The following NLRC5 variants were observed in gnomAD, a reference collection of about 807,000 sequenced individuals.
The protein encoded by NLRC5 is protein NLRC5.
A neutral mutation model predicts 206.9 loss-of-function variants in NLRC5; 114 were observed. The ratio of observed to expected loss-of-function variants is 0.55; its 90% CI spans 0.47 to 0.64. The LOEUF (loss-of-function observed/expected upper bound fraction) is 0.64, where lower values mean the gene tolerates loss of function less well. Ranked by LOEUF, NLRC5 falls within the 30% of genes least tolerant of loss-of-function variation. The probability of loss-of-function intolerance (pLI) is 0.00; values close to 1 mark genes in which losing one functional copy is unlikely to be tolerated. For missense variants in NLRC5, 2,008 were observed against 2,305.5 expected (o/e 0.87, Z 2.64); for synonymous variants, 952 against 962.8 (o/e 0.99, Z 0.21).
In NLRC5 at chr16:57,041,288, T is replaced by C. The variant is rs2063252305; in HGVS notation, c.2940-197T>C. On this transcript the variant is annotated intron_variant, in intron 17 of 48. Coordinates refer to ENST00000688547, the MANE Select transcript of NLRC5 (RefSeq NM_001384950.1). ...CTTCCATCTGTGTCTCTGCCCACCC[T>C]CTGCCTATATGTGACATCCTGTGGG... The C allele has an allele frequency of 5.4e-6, 3 of 556,912 alleles. No homozygotes were observed. The South Asian group carries it at 6.6e-5, about 12-fold the overall frequency. The allele number at this position is 556,912 out of a possible 1,614,324, so 34.5% of individuals were successfully genotyped here. A position where few individuals can be genotyped will look rare whatever the true frequency, so the allele number is the denominator to read the frequency against.
At chr16:57,077,841 C>A (rs554473633) in intron 42 of NLRC5, 39 bp downstream of exon 42, 1 of 1,588,684 alleles carries the variant, frequency 6.3e-7, no homozygotes, top group Admixed American at 1.7e-5. Context: ...CTCTGTGCCC[C>A]CCAGGTCCAC....
intron 1 of NLRC5, among the ~76,000 whole-genome samples, chr16:57,002,962 G>A (rs1359577964): frequency 1.3e-5 from 2 of 151,894 alleles, no homozygotes; most frequent in African/African-American, 2.4e-5. Flanking sequence ...GTTTTTTGAG[G>A]TACCTCCGAA....
chr16:56,990,079 A>G (rs537332003), intron 1 of NLRC5, among the ~76,000 whole-genome samples: 1 of 152,234 alleles, frequency 6.6e-6, no homozygotes, highest in South Asian at 2.1e-4. Flanking sequence ...AATTCCAAAC[A>G]TATACAATAG....
At position 57,070,588 on chromosome 16, in the gene NLRC5, T is replaced by C; in HGVS notation, c.4637T>C (p.Leu1546Pro). 6.2e-7 allele frequency: 1 copy of C among 1,614,134 alleles called. No homozygotes were observed. The highest frequency in any genetic ancestry group is 8.5e-7 in the Non-Finnish European group (1 of 1,180,014). ...EEGTKALMRA[L>P]EGKWMLKRLD... is the part of the protein sequence containing the mutation. ...GGCACCAAGGCGCTGATGAGGGCCC[T>C]TGAGGGGAAATGGATGCTAAAGAGG... Residue 1546 changes from leucine (L) to proline (P), a missense_variant, in exon 38 of 49, where the codon CTT becomes CCT. By Grantham distance (98) the Leu-to-Pro change is moderately conservative. Transcript: ENST00000688547.
rs141406734 is a variant in NLRC5 at position 57,000,570 on chromosome 16, C to T, written c.-128+10953C>T. 2.0e-3 allele frequency among the ~76,000 whole-genome samples: 308 copies of T among 152,182 alleles called. 3 individuals carry two copies. Among genetic ancestry groups the T allele is most frequent in the African/African-American group, 7.2e-3 (298 of 41,526 alleles). The stretch of plus-strand genomic sequence containing the variant: ...GACACCTCTTCAACTCCTGGCTCCT[C>T]GACTCTAGCTGGTGACCTAGGCAGG... On this transcript the variant is annotated intron_variant, in intron 1 of 48. Coordinates refer to ENST00000688547, the MANE Select transcript of NLRC5 (RefSeq NM_001384950.1).
At chr16:56,989,654 G>C (rs1407023965) in intron 1 of NLRC5, 37 bp downstream of exon 1, 1 of 152,892 alleles carries the variant, frequency 6.5e-6, no homozygotes, top group Non-Finnish European at 1.5e-5. Flanking sequence ...GCGGGACCCG[G>C]GCTGGGGCGA....
At chr16:57,003,870 G>A (rs1461544752) in intron 1 of NLRC5, 1 of 152,164 alleles carries the variant, frequency 6.6e-6, no homozygotes, top group Non-Finnish European at 1.5e-5. Context: ...AGGACGCTGA[G>A]GTACGAAGAG....
intron 39 of NLRC5, among the ~76,000 whole-genome samples, chr16:57,075,569 G>C (rs1567645627): frequency 1.3e-5 from 2 of 152,182 alleles, no homozygotes; most frequent in Non-Finnish European, 2.9e-5. Flanking sequence ...AATTCTGGGG[G>C]CCACGGTCAG....
At chr16:57,005,918 T>C (rs1387429073) in intron 1 of NLRC5, among the ~76,000 whole-genome samples, 1 of 145,546 alleles carries the variant, frequency 6.9e-6, no homozygotes, top group Non-Finnish European at 1.5e-5. Context: ...ATACCCTGTC[T>C]CAAAAAAAAA....
At chr16:57,081,703 G>A in intron 48 of NLRC5, 93 bp downstream of exon 48, 2 of 1,096,608 alleles carry the variant, frequency 1.8e-6, no homozygotes, top group African/African-American at 1.6e-5. Flanking sequence ...GGCAGGGCCT[G>A]GGCTGGGGAT....
chr16:57,002,832 A>G (rs1190427684), intron 1 of NLRC5, among the ~76,000 whole-genome samples: 1 of 151,920 alleles, frequency 6.6e-6, no homozygotes, highest in Admixed American at 6.6e-5. Flanking sequence ...TTTAGTAGAG[A>G]CAGGGTTTCA....
In NLRC5 at chr16:57,054,737, C is replaced by T. The variant is rs780995309; in HGVS notation, c.3507-14C>T. The T allele has an allele frequency of 1.6e-5, 25 of 1,612,328 alleles. No individual in the cohort carries two copies. In the Middle Eastern group the frequency reaches 8.2e-4, roughly 53 times the overall value. On this transcript the variant is annotated splice_polypyrimidine_tract_variant and intron_variant, in intron 24 of 48. Coordinates refer to ENST00000688547, the MANE Select transcript of NLRC5 (RefSeq NM_001384950.1). ...TCCACTCATCTTGCCGGATCTACCC[C>T]CTTTCCTTTTCAGGCTGAGCCAGAC... is the stretch of plus-strand genomic sequence containing the variant.
chr16:57,043,844 T>C (rs1246706537), intron 20 of NLRC5: 1 of 570,386 alleles, frequency 1.8e-6, no homozygotes, highest in South Asian at 2.1e-5. Flanking sequence ...AGAGAGTTCA[T>C]TGACTCTGCC....
chr16:57,012,345 T>C (rs1390753331), intron 1 of NLRC5, among the ~76,000 whole-genome samples: 3 of 152,164 alleles, frequency 2.0e-5, no homozygotes, highest in Non-Finnish European at 4.4e-5. Context: ...TGTAGATGTA[T>C]ATTTTCATTT....
chr16:57,020,971 G>C lies in NLRC5; in HGVS notation c.259G>C (p.Glu87Gln). Reference sequence around the variant, plus strand: ...GCAGCTGGAGGTGCCTCTGGACCTGGAGGTGCTGCTGCTGAGTACTTTTGG... The same window carrying C: ...GCAGCTGGAGGTGCCTCTGGACCTGCAGGTGCTGCTGCTGAGTACTTTTGG... ...CMQLEVPLDL[E>Q]VLLLSTFGYD... Residue 87 changes from glutamate to glutamine, a missense_variant, in exon 3 of 49, where the codon GAG becomes CAG. Coordinates refer to ENST00000688547, the MANE Select transcript of NLRC5 (RefSeq NM_001384950.1). 1 of 1,614,030 alleles carries C rather than the reference G, an allele frequency of 6.2e-7. No homozygotes were observed. The highest frequency in any genetic ancestry group is 8.5e-7 in the Non-Finnish European group (1 of 1,179,974).
intron 23 of NLRC5, among the ~76,000 whole-genome samples, chr16:57,049,157 A>G (rs1398894082): frequency 6.6e-6 from 1 of 152,240 alleles, no homozygotes; most frequent in African/African-American, 2.4e-5. Context: ...GTTTTAAGAA[A>G]GTTTACGAAT....
chr16:57,037,151 A>G, intron 14 of NLRC5, 44 bp from the exon 15 acceptor site: 1 of 1,513,576 alleles, frequency 6.6e-7, no homozygotes, highest in Non-Finnish European at 9.2e-7. Flanking sequence ...GGGGCTGGGT[A>G]CCTCAGCCAC....
At position 57,045,348 on chromosome 16, in the gene NLRC5, AC is replaced by A; in HGVS notation, c.3204-96del. ...TCCTTGTTTGCTAAGAAAGCAGGCC[AC>A]CCCAGGCCCTCCTTGCCCTGACCAG... is the stretch of plus-strand genomic sequence containing the variant. On this transcript the variant is annotated intron_variant, in intron 20 of 48. Transcript: ENST00000688547. 2.2e-5 allele frequency: 25 copies of A among 1,116,928 alleles called. No homozygotes were observed. The South Asian group carries it at 2.9e-4, about 13-fold the overall frequency. The allele number at this position is 1,116,928 out of a possible 1,614,324, so 69.2% of individuals were successfully genotyped here. A position where few individuals can be genotyped will look rare whatever the true frequency, so the allele number is the denominator to read the frequency against.
intron 5 of NLRC5, 77 bp from the exon 6 acceptor site, chr16:57,025,291 G>A (rs1597218187): frequency 4.0e-6 from 6 of 1,494,892 alleles, no homozygotes; most frequent in Non-Finnish European, 5.3e-6. Context: ...GCTCCCAACA[G>A]CCCAATACTG....
Sources: gnomAD v4.1 joint callset for allele counts (sites outside exome capture counted in the v4.1 genomes callset) on GRCh38, gnomAD v4.1.1 for gene constraint, MANE v1.5 for transcripts, NCBI Gene and HGNC (gene_info 2026-07-23, HGNC 2026-07-21) for gene names.